Variants in KAZN observed in about 807,000 individuals in gnomAD.
KAZN encodes the protein kazrin, periplakin interacting protein.
A neutral mutation model predicts 87.4 loss-of-function variants in KAZN; 40 were observed. The ratio of observed to expected loss-of-function variants is 0.46; its 90% CI spans 0.36 to 0.60. The LOEUF (loss-of-function observed/expected upper bound fraction) is 0.60. Ranked by LOEUF, KAZN falls within the 20% of genes least tolerant of loss-of-function variation. KAZN has a pLI of 0.00. For synonymous variants in KAZN, 466 were observed against 458.3 expected (o/e 1.02, Z -0.22); for missense variants, 898 against 1,073.9 (o/e 0.84, Z 2.29).
chr1:14,746,982 G>A (rs1644278204), intron 1 of KAZN, among the ~76,000 whole-genome samples: 1 of 152,108 alleles, frequency 6.6e-6, no homozygotes, highest in Admixed American at 6.6e-5. Flanking sequence ...CCATTAAACA[G>A]TAACTCCCCA....
At chr1:14,975,057 G>A (rs924354954) in intron 2 of KAZN, among the ~76,000 whole-genome samples, 4 of 152,230 alleles carry the variant, frequency 2.6e-5, no homozygotes, top group African/African-American at 4.8e-5. Flanking sequence ...GTGGCCTCTG[G>A]CTTTGCCTTC....
At chr1:14,839,372 G>A (rs756724817) in intron 1 of KAZN, among the ~76,000 whole-genome samples, 12 of 152,122 alleles carry the variant, frequency 7.9e-5, no homozygotes, top group Non-Finnish European at 1.5e-4. Context: ...TTAAGTTAGG[G>A]TAATACAAGT....
At chr1:14,213,899 G>A (rs185732429) in intron 2 of KAZN, among the ~76,000 whole-genome samples, 108 of 152,272 alleles carry the variant, frequency 7.1e-4, no homozygotes, top group Non-Finnish European at 1.8e-4. Context: ...GAACCAACAC[G>A]ATTTACTGAT....
At chr1:14,580,657 A>T (rs1015819085) in intron 2 of KAZN, among the ~76,000 whole-genome samples, 13 of 152,080 alleles carry the variant, frequency 8.5e-5, no homozygotes, top group Admixed American at 3.3e-4. Context: ...AAAGGGACTA[A>T]CATTTAATGG....
chr1:13,985,689 A>G (rs1248269668), intron 1 of KAZN, among the ~76,000 whole-genome samples: 4 of 151,648 alleles, frequency 2.6e-5, no homozygotes, highest in Non-Finnish European at 4.4e-5. Context: ...ATTTTCCTTC[A>G]ACTGTCAAAC....
chr1:14,819,494 G>A (rs1344394858), intron 1 of KAZN, among the ~76,000 whole-genome samples: 3 of 151,984 alleles, frequency 2.0e-5, no homozygotes, highest in Admixed American at 6.6e-5. Context: ...GCAGCCTTAC[G>A]AATAAAAACT....
chr1:14,374,278 C>T (rs534524356), intron 2 of KAZN, among the ~76,000 whole-genome samples: 1 of 152,310 alleles, frequency 6.6e-6, no homozygotes, highest in Admixed American at 6.5e-5. Flanking sequence ...TATGACAGCA[C>T]TCAAGAGGCA....
intron 1 of KAZN, among the ~76,000 whole-genome samples, chr1:14,883,318 A>AG (rs1653557416): frequency 5.2e-5 from 2 of 38,592 alleles, no homozygotes; most frequent in Admixed American, 3.6e-4. Flanking sequence ...GAAAGAAAGA[A>AG]AGAGAGAGAG....
chr1:15,032,425 C>T (rs1671826588), intron 2 of KAZN, among the ~76,000 whole-genome samples: 1 of 151,616 alleles, frequency 6.6e-6, no homozygotes, highest in South Asian at 2.1e-4. Context: ...ATCTCCTGAC[C>T]TTGTGATCTG....
rs185387552 is a variant in KAZN, at chr1:15,086,007, G to T, written c.1223-8173G>T. On this transcript the variant is annotated intron_variant, in intron 8 of 14. Transcript: ENST00000376030. ...TTTTTTTGAGACAGAGTTTTGCTCT[G>T]TTGCCCAGGCTGGAGTGCAGTGGTG... Among the ~76,000 whole-genome samples, 3 of 152,244 alleles carry T rather than the reference G, an allele frequency of 2.0e-5. No individual in the cohort carries two copies. In the East Asian group the frequency reaches 5.8e-4, roughly 29 times the overall value.
At chr1:14,566,447 A>G (rs1571947796) in intron 2 of KAZN, among the ~76,000 whole-genome samples, 1 of 152,232 alleles carries the variant, frequency 6.6e-6, no homozygotes, top group African/African-American at 2.4e-5. Context: ...GCCCTAGGAT[A>G]TTCAGAATGG....
intron 1 of KAZN, among the ~76,000 whole-genome samples, chr1:14,675,637 T>C (rs1640172559): frequency 6.6e-6 from 1 of 152,144 alleles, no homozygotes; most frequent in African/African-American, 2.4e-5. Context: ...CTATTACCCA[T>C]CTCCATCATT....
At chr1:14,625,764 G>A (rs908597117) in intron 1 of KAZN, among the ~76,000 whole-genome samples, 17 of 152,324 alleles carry the variant, frequency 1.1e-4, no homozygotes, top group East Asian at 5.8e-4. Context: ...TGCGTTGGAC[G>A]ATGTGATTTC....
chr1:14,638,861 A>G (rs534413591), intron 1 of KAZN, among the ~76,000 whole-genome samples: 5 of 151,982 alleles, frequency 3.3e-5, no homozygotes, highest in Non-Finnish European at 7.4e-5. Flanking sequence ...GCAGTCCCCC[A>G]TCCCACCCAT....
At chr1:14,219,505 GC>G (rs1422337648) in intron 2 of KAZN, among the ~76,000 whole-genome samples, 1 of 152,090 alleles carries the variant, frequency 6.6e-6, no homozygotes, top group Non-Finnish European at 1.5e-5. Context: ...TAGGTTTCAT[GC>G]AAAATAAGAC....
chr1:14,479,822 T>C (rs568356740), intron 2 of KAZN, among the ~76,000 whole-genome samples: 10 of 152,276 alleles, frequency 6.6e-5, no homozygotes, highest in Non-Finnish European at 1.2e-4. Flanking sequence ...TGCATCCATG[T>C]GTAAACAGAA....
rs12040537 is a variant in KAZN, at chr1:14,220,461, C to G, written c.249+39869C>G. Among the ~76,000 whole-genome samples, 443 of 152,174 alleles carry G rather than the reference C, an allele frequency of 2.9e-3. 12 individuals carry two copies. In the East Asian group the frequency reaches 0.068, roughly 23 times the overall value. On this transcript the variant is annotated intron_variant, in intron 2 of 16. Coordinates refer to the KAZN transcript ENST00000636203. Reference sequence around the variant, plus strand: ...TTGGACAGCTTCTATTTCTCTGTGTCGAGAGGACTTACATGCTCTTTGGAA... The same window carrying G: ...TTGGACAGCTTCTATTTCTCTGTGTGGAGAGGACTTACATGCTCTTTGGAA...
At chr1:14,689,935 G>A (rs1264462417) in intron 1 of KAZN, among the ~76,000 whole-genome samples, 3 of 152,214 alleles carry the variant, frequency 2.0e-5, no homozygotes, top group Admixed American at 6.5e-5. Context: ...AATTAACAGA[G>A]TGAAAGGGGC....
At chr1:13,946,051 AC>A (rs1469986489) in intron 1 of KAZN, among the ~76,000 whole-genome samples, 13 of 152,228 alleles carry the variant, frequency 8.5e-5, no homozygotes, top group African/African-American at 3.1e-4. Context: ...CAGGAGAGTC[AC>A]TCAGACAGAT....
Sources: allele counts gnomAD v4.1 joint callset (sites outside exome capture counted in the v4.1 genomes callset), GRCh38; gene constraint gnomAD v4.1.1; transcripts MANE v1.5; gene names NCBI Gene and HGNC (gene_info 2026-07-23, HGNC 2026-07-21).